The following GABRB2 variants were observed in gnomAD, a reference collection of about 807,000 sequenced individuals.
The protein encoded by GABRB2 is gamma-aminobutyric acid receptor subunit beta-2.
In GABRB2, 16 loss-of-function variants were observed where a neutral mutation model predicts 54.7. The ratio of observed to expected loss-of-function variants is 0.29; its 90% confidence interval spans 0.20 to 0.44. The LOEUF is 0.44. GABRB2 is among the 20% of genes least tolerant of loss of function. The probability of loss-of-function intolerance (pLI) is 1.00; values close to 1 mark genes in which losing one functional copy is unlikely to be tolerated. For missense variants in GABRB2, 355 were observed against 644.0 expected, an observed-to-expected ratio of 0.55 and a Z score of 4.86; for synonymous variants, 244 against 233.8, an observed-to-expected ratio of 1.04 and a Z score of -0.40.
intron 4 of GABRB2, among the ~76,000 whole-genome samples, chr5:161,413,490 C>CA (rs771620714): frequency 9.9e-5 from 15 of 152,164 alleles, no homozygotes; most frequent in East Asian, 9.6e-4. Flanking sequence ...CACTCAAGGT[C>CA]AAAAAATTAT....
chr5:161,433,611 AAAAAAT>A (rs901085858), intron 4 of GABRB2, among the ~76,000 whole-genome samples: 1 of 152,034 alleles, frequency 6.6e-6, no homozygotes, highest in Non-Finnish European at 1.5e-5. Flanking sequence ...CCCTGTCTCC[AAAAAAT>A]AAAAATAAAA....
intron 3 of GABRB2, among the ~76,000 whole-genome samples, chr5:161,465,951 A>T (rs1192875683): frequency 6.6e-6 from 1 of 152,116 alleles, no homozygotes; most frequent in Non-Finnish European, 1.5e-5. Context: ...ACTATCTCTC[A>T]TATCAATAAT....
intron 3 of GABRB2, among the ~76,000 whole-genome samples, chr5:161,463,739 G>A (rs1581007876): frequency 6.7e-6 from 1 of 149,596 alleles, no homozygotes; most frequent in South Asian, 2.1e-4. Context: ...AGAAACATAG[G>A]GTCTAAAACA....
rs1580949222 is a variant in GABRB2, at chr5:161,289,231, G to GTTTTTTTTTTTTTTT, written c.*4849_*4850insAAAAAAAAAAAAAAA. 1 of 60,676 alleles carries GTTTTTTTTTTTTTTT rather than the reference G, an allele frequency of 1.6e-5. No homozygotes were observed. Among genetic ancestry groups the GTTTTTTTTTTTTTTT allele is most frequent in the African/African-American group, 1.6e-4 (1 of 6,404 alleles). 3.8% of individuals were successfully genotyped at this position (60,676 alleles called of 1,614,324 possible). On this transcript the variant is annotated 3_prime_UTR_variant, in exon 10 of 10. Transcript: ENST00000393959. ...AACCTAGTAGCTTTTTAAGAGTGCT[G>GTTTTTTTTTTTTTTT]CTTTTTTTTTTTTTTTTTGTACAGA...
intron 3 of GABRB2, among the ~76,000 whole-genome samples, chr5:161,534,125 A>AT (rs1394301403): frequency 6.6e-6 from 1 of 152,138 alleles, no homozygotes; most frequent in African/African-American, 2.4e-5. Context: ...GCACAGCACA[A>AT]TTTTTTACAA....
At chr5:161,454,866 G>T (rs982949070) in intron 4 of GABRB2, among the ~76,000 whole-genome samples, 1 of 152,100 alleles carries the variant, frequency 6.6e-6, no homozygotes, top group African/African-American at 2.4e-5. Context: ...AAGGAAATTG[G>T]TTGGAATCTA....
Position 161,306,918 on chromosome 5 carries a change from C to T in GABRB2, c.1192-12490G>A, listed in dbSNP as rs543996196. Among the ~76,000 whole-genome samples, 3 of 152,200 alleles carry T rather than the reference C, an allele frequency of 2.0e-5. No homozygotes were observed. In the South Asian group the frequency reaches 6.2e-4, roughly 32 times the overall value. ...ACTGTGTCCAGCAAAAGCCAAATAC[C>T]TAATGCTAAGGGGAGTGTGATTATG... is the stretch of plus-strand genomic sequence containing the variant. On this transcript the variant is annotated intron_variant, in intron 9 of 9. Coordinates refer to ENST00000393959, the MANE Select transcript of GABRB2 (RefSeq NM_001371727.1).
At chr5:161,510,914 T>C (rs1165236717) in intron 3 of GABRB2, among the ~76,000 whole-genome samples, 1 of 151,944 alleles carries the variant, frequency 6.6e-6, no homozygotes. Flanking sequence ...GTAATATCCA[T>C]AGTTGCTTAG....
chr5:161,373,430 T>C (rs1755188681), intron 5 of GABRB2, among the ~76,000 whole-genome samples: 1 of 152,194 alleles, frequency 6.6e-6, no homozygotes, highest in African/African-American at 2.4e-5. Context: ...TCCAGAACCA[T>C]GCTCTTTTGG....
intron 5 of GABRB2, among the ~76,000 whole-genome samples, chr5:161,381,991 A>C (rs757370152): frequency 6.6e-6 from 1 of 152,192 alleles, no homozygotes; most frequent in Non-Finnish European, 1.5e-5. Flanking sequence ...ATCTGGTTGC[A>C]TGTTCAGCAT....
At chr5:161,450,314 T>A (rs1757755473) in intron 4 of GABRB2, among the ~76,000 whole-genome samples, 1 of 151,982 alleles carries the variant, frequency 6.6e-6, no homozygotes, top group South Asian at 2.1e-4. Flanking sequence ...TACCAGAACA[T>A]GATGGGTCAG....
At chr5:161,463,555 T>TTATATATATATATATATA (rs869302091) in intron 3 of GABRB2, among the ~76,000 whole-genome samples, 1 of 23,710 alleles carries the variant, frequency 4.2e-5, no homozygotes, top group Non-Finnish European at 7.1e-5. Context: ...ATATTTTTAT[T>TTATATATATATATATATA]TATATATATA....
chr5:161,505,109 C>CT (rs34388314), intron 3 of GABRB2, among the ~76,000 whole-genome samples: 3,166 of 135,456 alleles, frequency 0.023, 38 homozygotes, highest in Non-Finnish European at 0.03. Context: ...TTTTCCTTTT[C>CT]TTTTTTTTTT....
At chr5:161,519,521 A>G (rs1760050948) in intron 3 of GABRB2, among the ~76,000 whole-genome samples, 2 of 152,166 alleles carry the variant, frequency 1.3e-5, no homozygotes, top group South Asian at 4.1e-4. Context: ...GAAGCCTCAC[A>G]TTGAACCCTC....
At chr5:161,306,441 C>T (rs1266688511) in intron 9 of GABRB2, among the ~76,000 whole-genome samples, 1 of 152,202 alleles carries the variant, frequency 6.6e-6, no homozygotes, top group East Asian at 1.9e-4. Context: ...TATTCCTACT[C>T]CTACCTCCTC....
At chr5:161,539,633 G>T (rs1160951468) in intron 3 of GABRB2, among the ~76,000 whole-genome samples, 1 of 152,162 alleles carries the variant, frequency 6.6e-6, no homozygotes, top group Non-Finnish European at 1.5e-5. Flanking sequence ...ACTTAAGACA[G>T]CAGCTGGAGT....
chr5:161,333,507 A>G (rs1223565151), intron 7 of GABRB2, among the ~76,000 whole-genome samples: 1 of 152,242 alleles, frequency 6.6e-6, no homozygotes, highest in Non-Finnish European at 1.5e-5. Flanking sequence ...TTAACCCAGT[A>G]GCCGAAGTGA....
At chr5:161,420,938 A>C (rs1756828870) in intron 4 of GABRB2, among the ~76,000 whole-genome samples, 1 of 152,052 alleles carries the variant, frequency 6.6e-6, no homozygotes, top group Non-Finnish European at 1.5e-5. Context: ...GAAAGTTCCT[A>C]CCACCTTAAA....
chr5:161,521,727 T>C (rs777240581), intron 3 of GABRB2, among the ~76,000 whole-genome samples: 5 of 151,854 alleles, frequency 3.3e-5, no homozygotes, highest in Non-Finnish European at 5.9e-5. Flanking sequence ...CAGAGTAAAG[T>C]TCAGAATGTG....
Sources: gnomAD v4.1 joint callset for allele counts (sites outside exome capture counted in the v4.1 genomes callset) on GRCh38, gnomAD v4.1.1 for gene constraint, MANE v1.5 for transcripts, NCBI Gene and HGNC (gene_info 2026-07-23, HGNC 2026-07-21) for gene names.